Variants in ELAPOR1 observed in about 807,000 individuals in gnomAD.
ELAPOR1 encodes the protein endosome/lysosome-associated apoptosis and autophagy regulator 1.
ELAPOR1 carries 77 observed loss-of-function variants against 119.7 expected under a neutral mutation model. The ratio of observed to expected loss-of-function variants is 0.64; its 90% CI spans 0.54 to 0.78. The LOEUF (loss-of-function observed/expected upper bound fraction) is 0.78. Among genes scored for constraint, ELAPOR1 ranks in the 30% least tolerant of loss-of-function variants. The pLI, the probability that ELAPOR1 is intolerant of heterozygous loss-of-function variation, is 0.00. For missense variants in ELAPOR1, 1,115 were observed against 1,270.4 expected, an observed-to-expected ratio of 0.88 and a Z score of 1.86; for synonymous variants, 481 against 487.2, an observed-to-expected ratio of 0.99 and a Z score of 0.17.
intron 15 of ELAPOR1, 142 bp from the exon 16 acceptor site, chr1:109,197,332 G>C: frequency 1.4e-6 from 1 of 716,528 alleles, no homozygotes; most frequent in East Asian, 2.5e-5. Flanking sequence ...CTCGTCATTA[G>C]ACCTGGGATG....
intron 3 of ELAPOR1, among the ~76,000 whole-genome samples, chr1:109,166,560 C>G (rs567076505): frequency 1.1e-4 from 16 of 152,282 alleles, no homozygotes; most frequent in Admixed American, 7.2e-4. Flanking sequence ...CTCACAAGAA[C>G]CTTGTGAAAT....
intron 1 of ELAPOR1, among the ~76,000 whole-genome samples, chr1:109,150,898 T>C (rs1650493328): frequency 6.6e-6 from 1 of 152,072 alleles, no homozygotes; most frequent in African/African-American, 2.4e-5. Context: ...TACTGATACA[T>C]GATGGCAGGT....
chr1:109,173,813 C>A lies in ELAPOR1; in HGVS notation c.928C>A (p.Gln310Lys). 6.2e-7 allele frequency: 1 copy of A among 1,614,044 alleles called. No individual in the cohort carries two copies. ...AAATAAAGGAGAAACTTCTTGCCAC[C>A]AGTGTGACCCTGACAAATACTCAGG... Reference protein sequence around the residue: ...YSNKGETSCHQCDPDKYSEKG... With the variant: ...YSNKGETSCHKCDPDKYSEKG... The change falls in exon 7 of 22, where the codon CAG becomes AAG. Residue 310 changes from glutamine to lysine, a missense_variant. By Grantham distance (53) the Gln-to-Lys change is moderately conservative (BLOSUM62 1). Transcript: ENST00000369939.
Position 109,171,910 on chromosome 1 carries a change from A to G in ELAPOR1, c.512A>G (p.Asp171Gly), listed in dbSNP as rs1450390010. ...GGCGACTACATCGCCTCCAACACGG[A>G]CGAATGCACAGCCACACTGATGTAC... ...PRGDYIASNTDECTATLMYAV... is the reference protein window; with the variant it reads ...PRGDYIASNTGECTATLMYAV... Residue 171 changes from aspartate (D) to glycine (G), a missense_variant, in exon 4 of 22, where the codon GAC (aspartate) becomes GGC (glycine). By Grantham distance (94) the Asp-to-Gly change is moderately conservative. Coordinates refer to ENST00000369939, the MANE Select transcript of ELAPOR1 (RefSeq NM_020775.5). The G allele has an allele frequency of 3.1e-6, 5 of 1,614,222 alleles. No individual in the cohort carries two copies. The highest frequency in any genetic ancestry group is 2.2e-5 in the East Asian group (1 of 44,886).
At position 109,198,327 on chromosome 1, in the gene ELAPOR1, A is replaced by C. The variant is rs139566691; in HGVS notation, c.2400-246A>C. Reference sequence around the variant, plus strand: ...CTGCAGTGGACTTCCCTTCCAGCCTAAGCAGGCTCCAGTGTATGCTAGCCA... The same window carrying C: ...CTGCAGTGGACTTCCCTTCCAGCCTCAGCAGGCTCCAGTGTATGCTAGCCA... On this transcript the variant is annotated intron_variant, in intron 17 of 21. Coordinates refer to ENST00000369939, the MANE Select transcript of ELAPOR1 (RefSeq NM_020775.5). 7.9e-5 allele frequency among the ~76,000 whole-genome samples: 12 copies of C among 152,332 alleles called. No individual in the cohort carries two copies. In the East Asian group the frequency reaches 2.3e-3, roughly 29 times the overall value.
At position 109,173,833 on chromosome 1, in the gene ELAPOR1, C is replaced by G. The variant is rs773791392; in HGVS notation, c.948C>G (p.Tyr316Ter). The change falls in exon 7 of 22, where the codon TAC becomes TAG. Residue 316 changes from tyrosine to a stop codon, truncating the protein, a stop_gained. Coordinates refer to ENST00000369939, the MANE Select transcript of ELAPOR1 (RefSeq NM_020775.5). LOFTEE classifies it high-confidence loss of function. ...GCCACCAGTGTGACCCTGACAAATA[C>G]TCAGGTGATGTTTCTGAGGGTGGGA... ...TSCHQCDPDKYSEKGSSSCNV... is the reference protein window; with the variant it reads ...TSCHQCDPDK 6 of 1,613,834 alleles carry G rather than the reference C, an allele frequency of 3.7e-6. No homozygotes were observed. In the Admixed American group the frequency reaches 1.0e-4, roughly 27 times the overall value.
At chr1:109,134,030 G>T (rs2100985435) in intron 1 of ELAPOR1, among the ~76,000 whole-genome samples, 1 of 152,320 alleles carries the variant, frequency 6.6e-6, no homozygotes, top group Admixed American at 6.5e-5. Flanking sequence ...TCAGTGCCTG[G>T]TCATGGGTGG....
chr1:109,203,251 GT>G lies in ELAPOR1; in HGVS notation c.*242del. 2.0e-6 allele frequency: 1 copy of G among 493,424 alleles called. No individual in the cohort carries two copies. Among genetic ancestry groups the G allele is most frequent in the East Asian group, 3.8e-5 (1 of 26,312 alleles). 30.6% of individuals were successfully genotyped at this position (493,424 alleles called of 1,614,324 possible). A position where few individuals can be genotyped will look rare whatever the true frequency, so the allele number is the denominator to read the frequency against. On this transcript the variant is annotated 3_prime_UTR_variant, in exon 22 of 22. Transcript: ENST00000369939. The stretch of plus-strand genomic sequence containing the variant: ...TAAATTATGCCCTTGCTTGTATCTT[GT>G]TTCCCAAAATGGCCCATCCGCCAGA...
At chr1:109,127,621 C>T (rs35625289) in intron 1 of ELAPOR1, among the ~76,000 whole-genome samples, 10,720 of 152,124 alleles carry the variant, frequency 0.07, 495 homozygotes, top group South Asian at 0.19. Flanking sequence ...GGCTGGAGTG[C>T]CGTGGCGTGA....
rs773336051 is a variant in ELAPOR1, at chr1:109,197,578, C to A, written c.2226C>A (p.Val742=). 72 of 1,614,090 alleles carry A rather than the reference C, an allele frequency of 4.5e-5. No individual in the cohort carries two copies. The highest frequency in any genetic ancestry group is 5.5e-5 in the Non-Finnish European group (65 of 1,180,048). ...KSITAYVCQA[V]IIPPEVTGYK... ...TCACAGCCTACGTCTGCCAGGCAGT[C>A]ATCATCCCCCCAGAGGTGACAGGCT... is the stretch of plus-strand genomic sequence containing the variant. Residue 742 remains valine, a synonymous_variant, in exon 16 of 22, where the codon GTC becomes GTA. Coordinates refer to ENST00000369939, the MANE Select transcript of ELAPOR1 (RefSeq NM_020775.5).
Position 109,189,701 on chromosome 1 carries a change from A to C in ELAPOR1, c.1439+19A>C, listed in dbSNP as rs770192911. The C allele has an allele frequency of 2.5e-6, 4 of 1,597,052 alleles. No homozygotes were observed. On this transcript the variant is annotated intron_variant, in intron 11 of 21. Coordinates refer to ENST00000369939, the MANE Select transcript of ELAPOR1 (RefSeq NM_020775.5). ...GATTTAGGTGAGGAATCCAAAGCCC[A>C]GGGGAGTCCAGGCCAGCTTGGCCAT...
intron 1 of ELAPOR1, among the ~76,000 whole-genome samples, chr1:109,125,870 T>C (rs1256688149): frequency 6.6e-6 from 1 of 152,138 alleles, no homozygotes; most frequent in African/African-American, 2.4e-5. Flanking sequence ...TTCACAGAAA[T>C]AGCATAAAAA....
intron 3 of ELAPOR1, among the ~76,000 whole-genome samples, chr1:109,171,415 G>C (rs953594631): frequency 6.6e-6 from 1 of 152,076 alleles, no homozygotes; most frequent in African/African-American, 2.4e-5. Flanking sequence ...AGCTGGGTGT[G>C]GTGGTGCATG....
intron 1 of ELAPOR1, among the ~76,000 whole-genome samples, chr1:109,137,822 C>G (rs994802626): frequency 1.3e-5 from 2 of 152,234 alleles, no homozygotes; most frequent in African/African-American, 2.4e-5. Context: ...GCCACCGCGC[C>G]CGGCCTAAAT....
intron 1 of ELAPOR1, among the ~76,000 whole-genome samples, chr1:109,146,903 C>G (rs1274414617): frequency 6.6e-6 from 1 of 151,318 alleles, no homozygotes; most frequent in East Asian, 1.9e-4. Context: ...ACATGCCTGG[C>G]TATTTAATTT....
intron 1 of ELAPOR1, among the ~76,000 whole-genome samples, chr1:109,158,062 A>AT (rs1650991921): frequency 6.6e-6 from 1 of 152,078 alleles, no homozygotes; most frequent in Non-Finnish European, 1.5e-5. Context: ...TAATTTTTGT[A>AT]TGTTTAGTAG....
At chr1:109,168,350 A>T (rs1244153281) in intron 3 of ELAPOR1, among the ~76,000 whole-genome samples, 1 of 152,232 alleles carries the variant, frequency 6.6e-6, no homozygotes, top group East Asian at 1.9e-4. Context: ...TAGAAAGAGA[A>T]TGCAAGCCCC....
At chr1:109,197,771 G>A (rs1378271709) in intron 16 of ELAPOR1, 117 bp downstream of exon 16, 1 of 1,183,424 alleles carries the variant, frequency 8.5e-7, no homozygotes, top group East Asian at 2.6e-5. Context: ...CACATGAGGG[G>A]CCCAACCTCT....
Position 109,134,746 on chromosome 1 carries a change from T to G in ELAPOR1, c.153+20410T>G, listed in dbSNP as rs550250012. 1.1e-4 allele frequency among the ~76,000 whole-genome samples: 17 copies of G among 152,280 alleles called. No individual in the cohort carries two copies. In the South Asian group the frequency reaches 2.9e-3, roughly 26 times the overall value. ...GCCCTCTGGAGGCTTTAACAACATCTTGCCAGTCTTATCCTAGAGAGGACA... is the reference window on the plus strand; with the variant it reads ...GCCCTCTGGAGGCTTTAACAACATCGTGCCAGTCTTATCCTAGAGAGGACA... On this transcript the variant is annotated intron_variant, in intron 1 of 21. Coordinates refer to ENST00000369939, the MANE Select transcript of ELAPOR1 (RefSeq NM_020775.5).
Sources: allele counts gnomAD v4.1 joint callset (sites outside exome capture counted in the v4.1 genomes callset), GRCh38; gene constraint gnomAD v4.1.1; transcripts MANE v1.5; gene names NCBI Gene and HGNC (gene_info 2026-07-23, HGNC 2026-07-21).